IL1RAPL2: variants seen among roughly 807,000 people sequenced by gnomAD.
IL1RAPL2 encodes X-linked interleukin-1 receptor accessory protein-like 2.
A neutral mutation model predicts 44.1 loss-of-function variants in IL1RAPL2; 3 were observed. The observed-to-expected ratio is 0.07, with a 90% CI of 0.03 to 0.18. The LOEUF (loss-of-function observed/expected upper bound fraction) is 0.18, where lower values mean the gene tolerates loss of function less well. Among genes scored for constraint, IL1RAPL2 ranks in the 10% least tolerant of loss-of-function variants. IL1RAPL2 has a pLI of 1.00. For missense variants in IL1RAPL2, 391 were observed against 496.4 expected (o/e 0.79, Z 2.02); for synonymous variants, 181 against 178.8 (o/e 1.01, Z -0.10).
At chrX:104,967,159 G>T (rs771517343) in intron 2 of IL1RAPL2, among the ~76,000 whole-genome samples, 2 of 111,732 alleles carry the variant, frequency 1.8e-5, no homozygotes, top group Non-Finnish European at 3.8e-5. Flanking sequence ...CACGTATTAT[G>T]CCGTAAAGCA....
intron 2 of IL1RAPL2, among the ~76,000 whole-genome samples, chrX:104,770,700 TTC>T (rs1430636000): frequency 8.9e-6 from 1 of 112,205 alleles, no homozygotes; most frequent in African/African-American, 3.2e-5. Flanking sequence ...CTGGACTGCA[TTC>T]TGTTATAGAG....
intron 6 of IL1RAPL2, among the ~76,000 whole-genome samples, chrX:105,583,923 C>T (rs956002419): frequency 9.0e-6 from 1 of 111,705 alleles, no homozygotes; most frequent in Non-Finnish European, 1.9e-5. Context: ...CAAACCTTGA[C>T]ATGTTTTTCA....
chrX:104,626,299 CGTGTGTGTGTGTGCGT>C (rs1929505044), intron 1 of IL1RAPL2, among the ~76,000 whole-genome samples: 1 of 100,892 alleles, frequency 9.9e-6, no homozygotes, highest in Non-Finnish European at 2.0e-5. Context: ...CTGTCTCATG[CGTGTGTGTGTGTGCGT>C]GTGTGTGTGT....
At chrX:104,614,149 G>T (rs768277915) in intron 1 of IL1RAPL2, among the ~76,000 whole-genome samples, 39 of 110,931 alleles carry the variant, frequency 3.5e-4, no homozygotes, top group African/African-American at 1.3e-3. Flanking sequence ...ACAGACTTTT[G>T]GTTTTGTTGA....
intron 6 of IL1RAPL2, among the ~76,000 whole-genome samples, chrX:105,706,795 G>T (rs2038169337): frequency 9.0e-6 from 1 of 111,579 alleles, no homozygotes; most frequent in Admixed American, 9.5e-5. Flanking sequence ...CTTCAGCAGA[G>T]GCAGCAGGAG....
chrX:105,101,296 C>T (rs1285817355), intron 2 of IL1RAPL2, among the ~76,000 whole-genome samples: 2 of 111,792 alleles, frequency 1.8e-5, no homozygotes, highest in Non-Finnish European at 3.8e-5. Context: ...AAAACCAAGG[C>T]CTTTTTATAT....
chrX:104,628,623 T>G (rs1304045104), intron 1 of IL1RAPL2, among the ~76,000 whole-genome samples: 1 of 112,216 alleles, frequency 8.9e-6, no homozygotes, highest in Non-Finnish European at 1.9e-5. Flanking sequence ...ATCTATTTAG[T>G]GTACTGATTC....
intron 2 of IL1RAPL2, among the ~76,000 whole-genome samples, chrX:104,764,004 G>C (rs1467869671): frequency 9.0e-6 from 1 of 111,603 alleles, no homozygotes; most frequent in East Asian, 2.8e-4. Context: ...GATTCCTCCA[G>C]TTTTGTTCTT....
At chrX:105,728,041 G>A (rs974555272) in intron 7 of IL1RAPL2, among the ~76,000 whole-genome samples, 2 of 111,009 alleles carry the variant, frequency 1.8e-5, no homozygotes, top group Admixed American at 9.5e-5. Context: ...ATCACCCAAC[G>A]TCTATAGTTT....
intron 5 of IL1RAPL2, chrX:105,407,015 C>T: frequency 7.9e-6 from 8 of 1,018,584 alleles, no homozygotes; most frequent in South Asian, 1.9e-5. Flanking sequence ...GAGATGCTGA[C>T]ACCACTACAC....
intron 2 of IL1RAPL2, among the ~76,000 whole-genome samples, chrX:104,696,814 T>C (rs907332800): frequency 9.0e-6 from 1 of 111,684 alleles, no homozygotes; most frequent in Admixed American, 9.5e-5. Context: ...CTCCTAGAGC[T>C]CCTGTTATTT....
intron 2 of IL1RAPL2, among the ~76,000 whole-genome samples, chrX:105,161,190 C>T (rs151024671): frequency 0.065 from 6,985 of 107,807 alleles, 572 homozygotes; most frequent in African/African-American, 0.22. Flanking sequence ...TGCACTCCAA[C>T]TTGGGCAACA....
intron 2 of IL1RAPL2, among the ~76,000 whole-genome samples, chrX:104,831,641 A>C (rs1921610712): frequency 1.8e-5 from 2 of 111,702 alleles, no homozygotes; most frequent in African/African-American, 6.5e-5. Context: ...TACAGCTATC[A>C]TTATTACTGA....
intron 2 of IL1RAPL2, among the ~76,000 whole-genome samples, chrX:105,020,668 T>A (rs1268472384): frequency 2.7e-5 from 3 of 111,892 alleles, no homozygotes; most frequent in Non-Finnish European, 5.7e-5. Context: ...TTTGGCACAG[T>A]GTCTGGCACC....
intron 2 of IL1RAPL2, among the ~76,000 whole-genome samples, chrX:104,708,789 A>G (rs1931404324): frequency 9.0e-6 from 1 of 110,640 alleles, no homozygotes; most frequent in Admixed American, 9.7e-5. Context: ...AGTTGTTATA[A>G]TCAGCCTCAA....
chrX:105,270,163 AC>A (rs1425951712), intron 5 of IL1RAPL2, among the ~76,000 whole-genome samples: 6 of 111,485 alleles, frequency 5.4e-5, no homozygotes, highest in African/African-American at 1.6e-4. Context: ...CTAGGAATTT[AC>A]CTTTTTGTCC....
At chrX:105,033,109 A>G (rs1459167278) in intron 2 of IL1RAPL2, among the ~76,000 whole-genome samples, 8 of 111,083 alleles carry the variant, frequency 7.2e-5, no homozygotes, top group Non-Finnish European at 1.3e-4. Context: ...TTTTGTGGCT[A>G]TGTGTGTCTC....
intron 1 of IL1RAPL2, among the ~76,000 whole-genome samples, chrX:104,637,034 T>C (rs776346753): frequency 9.2e-5 from 10 of 108,604 alleles, no homozygotes; most frequent in Admixed American, 1.9e-4. Context: ...ATCCTCCACC[T>C]CATAGGTTAA....
intron 2 of IL1RAPL2, among the ~76,000 whole-genome samples, chrX:104,947,640 G>T (rs1265722503): frequency 2.8e-5 from 3 of 105,554 alleles, no homozygotes; most frequent in African/African-American, 1.0e-4. Context: ...CATATGGCTA[G>T]CCTGTTTTCC....
Sources: gnomAD v4.1 joint callset for allele counts (sites outside exome capture counted in the v4.1 genomes callset) on GRCh38, gnomAD v4.1.1 for gene constraint, MANE v1.5 for transcripts, NCBI Gene and HGNC (gene_info 2026-07-23, HGNC 2026-07-21) for gene names.